Variants in ZNF783 observed in about 807,000 individuals in gnomAD.
ZNF783 encodes the protein zinc finger protein 783, also known as protein ZNF783.
Under a neutral mutation model 31.3 loss-of-function variants are expected in ZNF783, and 25 were observed. The observed-to-expected ratio is 0.80, with a 90% CI of 0.58 to 1.11. ZNF783 has a LOEUF of 1.11. ZNF783 is among the 50% of genes most tolerant of loss of function. The pLI is 0.00. For missense variants in ZNF783, 797 were observed against 760.0 expected, an observed-to-expected ratio of 1.05 and a Z score of -0.57; for synonymous variants, 369 against 319.1, an observed-to-expected ratio of 1.16 and a Z score of -1.66.
rs190608413 is a variant in ZNF783 at position 149,274,011 on chromosome 7, G to A, written c.674-4388G>A. Among the ~76,000 whole-genome samples, 364 of 152,096 alleles carry A rather than the reference G, an allele frequency of 2.4e-3. 2 individuals are homozygous for A. The highest frequency in any genetic ancestry group is 9.8e-3 in the East Asian group (51 of 5,178). ...GGATAATTTGCAAATATTTTTTCCC[G>A]TTCTGTGGGGTGTCTTTTCACTTTG... is the stretch of plus-strand genomic sequence containing the variant. On this transcript the variant is annotated intron_variant, in intron 4 of 5. Transcript: ENST00000434415.
chr7:149,282,395 A>C lies in ZNF783; in HGVS notation c.*52A>C. ...TGGCGGGGTCTCTCCCCTGTGCCTG[A>C]CGCAGGTTCTTCCTTTTCCTGGGAT... On this transcript the variant is annotated 3_prime_UTR_variant, in exon 6 of 6. Transcript: ENST00000434415. The C allele has an allele frequency of 7.3e-7, 1 of 1,366,124 alleles. No homozygotes were observed. The highest frequency in any genetic ancestry group is 9.6e-7 in the Non-Finnish European group (1 of 1,039,550). The allele number at this position is 1,366,124 out of a possible 1,614,324, so 84.6% of individuals were successfully genotyped here.
intron 5 of ZNF783, among the ~76,000 whole-genome samples, chr7:149,279,666 T>G (rs1459373296): frequency 1.3e-5 from 2 of 149,190 alleles, no homozygotes; most frequent in African/African-American, 4.9e-5. Flanking sequence ...ATTTTTTTTT[T>G]TTTATTGATC....
chr7:149,270,921 T>C (rs530603153), intron 4 of ZNF783, among the ~76,000 whole-genome samples: 115 of 152,356 alleles, frequency 7.5e-4, no homozygotes, highest in Non-Finnish European at 1.3e-3. Context: ...AGTTTATACA[T>C]TGATATTTCT....
At chr7:149,271,152 A>G (rs1797202063) in intron 4 of ZNF783, among the ~76,000 whole-genome samples, 1 of 152,184 alleles carries the variant, frequency 6.6e-6, no homozygotes, top group East Asian at 1.9e-4. Context: ...GTTAGCCAAG[A>G]TGGTCTCGAT....
chr7:149,264,801 AGGT>A (rs1293606902), intron 1 of ZNF783, among the ~76,000 whole-genome samples: 1 of 140,682 alleles, frequency 7.1e-6, no homozygotes, highest in African/African-American at 2.7e-5. Flanking sequence ...TGAACTTGGG[AGGT>A]GGAGGTTGCA....
At chr7:149,277,864 C>T (rs554978533) in intron 4 of ZNF783, 1 of 154,260 alleles carries the variant, frequency 6.5e-6, no homozygotes, top group South Asian at 2.0e-4. Flanking sequence ...TACGATCACT[C>T]TGGGAGGCGG....
At position 149,281,989 on chromosome 7, in the gene ZNF783, G is replaced by A; in HGVS notation, c.1287G>A (p.Arg429=). The A allele has an allele frequency of 4.4e-6, 7 of 1,576,920 alleles. No individual in the cohort carries two copies. Among genetic ancestry groups the A allele is most frequent in the Non-Finnish European group, 6.0e-6 (7 of 1,169,760 alleles). ...VAGGRALVGR[R]PAASKMYHCS... ...GGGGCCGTGCCTTGGTGGGGCGGCG[G>A]CCTGCAGCCAGCAAGATGTACCACT... The change falls in exon 6 of 6, where the codon CGG becomes CGA. Residue 429 remains arginine, a synonymous_variant. Transcript: ENST00000434415.
At chr7:149,265,241 T>C (rs1797036468) in intron 1 of ZNF783, among the ~76,000 whole-genome samples, 1 of 152,192 alleles carries the variant, frequency 6.6e-6, no homozygotes, top group Non-Finnish European at 1.5e-5. Context: ...ACCAGGACTG[T>C]GCCCATTGCG....
chr7:149,266,845 CGT>C lies in ZNF783; in HGVS notation c.450_451del (p.Tyr151PhefsTer3). On this transcript the variant is annotated frameshift_variant, in exon 3 of 6. Transcript: ENST00000434415. LOFTEE classifies it high-confidence loss of function. ...KVPVTFDDVA[V>X]YFSELEWGKL... ...TGCCCGTGACCTTCGATGATGTGGCCGTGTATTTCTCTGAGCTGGAGTGGGGC... is the reference window on the plus strand; with the variant it reads ...TGCCCGTGACCTTCGATGATGTGGCCGTATTTCTCTGAGCTGGAGTGGGGC... The C allele has an allele frequency of 5.0e-6, 8 of 1,613,940 alleles. No homozygotes were observed. The highest frequency in any genetic ancestry group is 5.9e-6 in the Non-Finnish European group (7 of 1,180,008).
At chr7:149,265,570 A>G (rs1321174373) in intron 1 of ZNF783, among the ~76,000 whole-genome samples, 1 of 152,152 alleles carries the variant, frequency 6.6e-6, no homozygotes. Context: ...AATCCTATTT[A>G]TGAGGGCTCT....
At chr7:149,276,420 C>T (rs923923139) in intron 4 of ZNF783, 6 of 986,490 alleles carry the variant, frequency 6.1e-6, no homozygotes, top group African/African-American at 3.5e-5. Flanking sequence ...ATGAAGCAAC[C>T]GTCTTTAGGC....
intron 4 of ZNF783, among the ~76,000 whole-genome samples, chr7:149,273,417 T>C (rs1237923108): frequency 6.6e-6 from 1 of 152,222 alleles, no homozygotes. Flanking sequence ...GCATGTGTTA[T>C]TGCCCGTCTT....
rs1224969389 is a variant in ZNF783, at chr7:149,282,108, C to T, written c.1406C>T (p.Pro469Leu). The T allele has an allele frequency of 6.3e-7, 1 of 1,598,070 alleles. No individual in the cohort carries two copies. Among genetic ancestry groups the T allele is most frequent in the Non-Finnish European group, 8.5e-7 (1 of 1,179,122 alleles). ...AATGGCCAGGGCTGGCCCGCCTGCCCCTACTGCGGCAAGGCCTTCCGCCGG... is the reference window on the plus strand; with the variant it reads ...AATGGCCAGGGCTGGCCCGCCTGCCTCTACTGCGGCAAGGCCTTCCGCCGG... ...TGNGQGWPACPYCGKAFRRPS... is the reference protein window; with the variant it reads ...TGNGQGWPACLYCGKAFRRPS... Residue 469 changes from proline (P) to leucine (L), a missense_variant, in exon 6 of 6, where the codon CCC becomes CTC. Coordinates refer to ENST00000434415, the MANE Select transcript of ZNF783 (RefSeq NM_001195220.2).
At chr7:149,280,100 G>A (rs1797428825) in intron 5 of ZNF783, among the ~76,000 whole-genome samples, 2 of 100,528 alleles carry the variant, frequency 2.0e-5, no homozygotes, top group African/African-American at 6.6e-5. Context: ...GCGGGGGGCT[G>A]ACCCCCCCAC....
chr7:149,262,212 C>A lies in ZNF783; in HGVS notation c.-122C>A. The A allele has an allele frequency of 2.2e-6, 2 of 925,934 alleles. No homozygotes were observed. The highest frequency in any genetic ancestry group is 2.9e-5 in the South Asian group (1 of 34,286). 57.4% of individuals were successfully genotyped at this position (925,934 alleles called of 1,614,324 possible). ...ACGTGGCTCGGGACGCAGTTCGCTG[C>A]CGCCCGGCAGTAGCTCTCAGGTTAG... On this transcript the variant is annotated 5_prime_UTR_variant, in exon 1 of 6. Transcript: ENST00000434415.
In ZNF783 at chr7:149,284,812, T is replaced by A. The variant is rs1460081298; in HGVS notation, c.*2469T>A. ...AACCGAAGCTTTGTGGTGCAGGAGC[T>A]GAGGGTGCCCCAGACTCAGTGGGAG... is the stretch of plus-strand genomic sequence containing the variant. On this transcript the variant is annotated 3_prime_UTR_variant, in exon 6 of 6. Transcript: ENST00000434415. 1 of 152,240 alleles carries A rather than the reference T, an allele frequency of 6.6e-6. No individual in the cohort carries two copies. Among genetic ancestry groups the A allele is most frequent in the East Asian group, 1.9e-4 (1 of 5,202 alleles). 9.4% of individuals were successfully genotyped at this position (152,240 alleles called of 1,614,324 possible).
At position 149,282,362 on chromosome 7, in the gene ZNF783, A is replaced by C; in HGVS notation, c.*19A>C. ...GGGCTGACCTGGCAGGAGCCCACAG[A>C]GGACCCCTGGCGGGGTCTCTCCCCT... On this transcript the variant is annotated 3_prime_UTR_variant, in exon 6 of 6. Transcript: ENST00000434415. 6.8e-7 allele frequency: 1 copy of C among 1,469,390 alleles called. No homozygotes were observed. Among genetic ancestry groups the C allele is most frequent in the Non-Finnish European group, 9.0e-7 (1 of 1,115,800 alleles). 91.0% of individuals were successfully genotyped at this position (1,469,390 alleles called of 1,614,324 possible). A position where few individuals can be genotyped will look rare whatever the true frequency, so the allele number is the denominator to read the frequency against.
rs1320061253 is a variant in ZNF783, at chr7:149,266,981, A to T, written c.547+36A>T. 2.5e-6 allele frequency: 4 copies of T among 1,613,736 alleles called. No homozygotes were observed. The South Asian group carries it at 4.4e-5, about 18-fold the overall frequency. On this transcript the variant is annotated intron_variant, in intron 3 of 5. Transcript: ENST00000434415. Reference sequence around the variant, plus strand: ...GGAGGGAGGATCTGGGCCTCTGTCCACAGGTTGTCTGTGGACAGTCTGTGT... The same window carrying T: ...GGAGGGAGGATCTGGGCCTCTGTCCTCAGGTTGTCTGTGGACAGTCTGTGT...
At chr7:149,281,421 G>C in intron 5 of ZNF783, 84 bp from the exon 6 acceptor site, 1 of 1,277,316 alleles carries the variant, frequency 7.8e-7, no homozygotes, top group Non-Finnish European at 1.0e-6. Flanking sequence ...CCCGGGCTGA[G>C]GCTGGAAGCC....
Sources: allele counts gnomAD v4.1 joint callset (sites outside exome capture counted in the v4.1 genomes callset), GRCh38; gene constraint gnomAD v4.1.1; transcripts MANE v1.5; gene names NCBI Gene and HGNC (gene_info 2026-07-23, HGNC 2026-07-21).